ELP4: variants seen among roughly 807,000 people sequenced by gnomAD.
ELP4 encodes the protein elongator complex protein 4.
ELP4 carries 51 observed loss-of-function variants against 48.9 expected under a neutral mutation model. The observed-to-expected ratio is 1.04, with a 90% CI of 0.83 to 1.32. The LOEUF is 1.32. Among genes scored for constraint, ELP4 ranks in the 40% most tolerant of loss-of-function variants. ELP4 has a pLI of 0.00. For missense variants in ELP4, 519 were observed against 514.6 expected (o/e 1.01, Z -0.08); for synonymous variants, 210 against 189.2 (o/e 1.11, Z -0.90).
intron 1 of ELP4, among the ~76,000 whole-genome samples, chr11:31,515,172 C>T (rs979005383): frequency 2.4e-4 from 37 of 151,896 alleles, no homozygotes; most frequent in African/African-American, 8.9e-4. Context: ...CACAACTATC[C>T]TTCACAGTGA....
At chr11:31,527,652 C>T (rs1565036292) in intron 2 of ELP4, among the ~76,000 whole-genome samples, 1 of 152,078 alleles carries the variant, frequency 6.6e-6, no homozygotes, top group East Asian at 1.9e-4. Context: ...TTTGCTGCCA[C>T]TACCCCAATT....
intron 3 of ELP4, among the ~76,000 whole-genome samples, chr11:31,585,684 A>T (rs146306887): frequency 6.6e-6 from 1 of 152,358 alleles, no homozygotes; most frequent in East Asian, 1.9e-4. Flanking sequence ...ATGAGTAGAT[A>T]AAAAGAATAA....
chr11:31,787,033 A>G lies in ELP4; in HGVS notation c.*3509A>G, dbSNP rs542906080. 0.017 allele frequency: 1,862 copies of G among 112,048 alleles called. 39 individuals carry two copies. In the African/African-American group the frequency reaches 0.18, roughly 11 times the overall value. The allele number at this position is 112,048 out of a possible 1,614,324, so 6.9% of individuals were successfully genotyped here. ...TATATGTATCGTTAAATAAATAATAAACAAAAATTATTTCAACAATGAGTA... is the reference window on the plus strand; with the variant it reads ...TATATGTATCGTTAAATAAATAATAGACAAAAATTATTTCAACAATGAGTA... On this transcript the variant is annotated 3_prime_UTR_variant, in exon 10 of 10. Transcript: ENST00000640961.
intron 7 of ELP4, among the ~76,000 whole-genome samples, chr11:31,642,077 A>G (rs1945111461): frequency 6.6e-6 from 1 of 152,016 alleles, no homozygotes; most frequent in African/African-American, 2.4e-5. Flanking sequence ...CTAGATGTAT[A>G]GTTAAGAAAA....
At chr11:31,542,993 G>A (rs186580401) in intron 3 of ELP4, among the ~76,000 whole-genome samples, 20 of 152,258 alleles carry the variant, frequency 1.3e-4, no homozygotes, top group Non-Finnish European at 2.4e-4. Context: ...TGAAAATACA[G>A]TGACTGCAAT....
intron 3 of ELP4, among the ~76,000 whole-genome samples, chr11:31,548,707 G>C (rs1431339347): frequency 8.5e-5 from 13 of 152,232 alleles, no homozygotes; most frequent in African/African-American, 2.9e-4. Context: ...AACAAAGCTG[G>C]AGGCATCATG....
intron 3 of ELP4, among the ~76,000 whole-genome samples, chr11:31,576,810 A>G (rs1009435495): frequency 6.6e-6 from 1 of 152,212 alleles, no homozygotes; most frequent in Admixed American, 6.5e-5. Flanking sequence ...AGGGAAATTT[A>G]TAGCACTAAA....
chr11:31,789,951 A>G lies in ELP4; in HGVS notation c.*6427A>G. On this transcript the variant is annotated 3_prime_UTR_variant, in exon 10 of 10. Transcript: ENST00000640961. ...TTTTTTTTTTACTGTAATCTTGGCC[A>G]GTATTGAGACATATCAGGTTCACTT... 7.1e-7 allele frequency: 1 copy of G among 1,404,766 alleles called. No individual in the cohort carries two copies. The highest frequency in any genetic ancestry group is 9.8e-7 in the Non-Finnish European group (1 of 1,018,056). The allele number at this position is 1,404,766 out of a possible 1,614,324, so 87.0% of individuals were successfully genotyped here. A position where few individuals can be genotyped will look rare whatever the true frequency, so the allele number is the denominator to read the frequency against.
At chr11:31,628,975 T>G (rs1177746677) in intron 6 of ELP4, among the ~76,000 whole-genome samples, 1 of 152,050 alleles carries the variant, frequency 6.6e-6, no homozygotes, top group Non-Finnish European at 1.5e-5. Flanking sequence ...AAGAAAGTTT[T>G]TATCTTTTTT....
At chr11:31,756,867 A>T (rs945275056) in intron 9 of ELP4, among the ~76,000 whole-genome samples, 1 of 152,204 alleles carries the variant, frequency 6.6e-6, no homozygotes, top group Non-Finnish European at 1.5e-5. Context: ...CATTAACTGA[A>T]AGAGATTTAG....
intron 9 of ELP4, among the ~76,000 whole-genome samples, chr11:31,666,004 C>CTTTTTTTTTTTTTTTTTTTTTTTTTTTT (rs35902758): frequency 1.2e-5 from 1 of 85,344 alleles, no homozygotes; most frequent in Non-Finnish European, 2.2e-5. Flanking sequence ...GTTTCAAATT[C>CTTTTTTTTTTTTTTTTTTTTTTTTTTTT]TTTTTTTTTT....
In ELP4 at chr11:31,780,199, C is replaced by A. The variant is rs575905996; in HGVS notation, c.1144-3194C>A. Among the ~76,000 whole-genome samples, 283 of 152,114 alleles carry A rather than the reference C, an allele frequency of 1.9e-3. 12 individuals are homozygous for A. The highest frequency in any genetic ancestry group is 1.9e-3 in the Non-Finnish European group (130 of 67,998). Reference sequence around the variant, plus strand: ...CAGCATTTTTTTTCAGAAGACAGATCTGGGATACAGCAGCATCTGAACATT... The same window carrying A: ...CAGCATTTTTTTTCAGAAGACAGATATGGGATACAGCAGCATCTGAACATT... On this transcript the variant is annotated intron_variant, in intron 9 of 9. Coordinates refer to ENST00000640961, the MANE Select transcript of ELP4 (RefSeq NM_019040.5).
At chr11:31,635,086 G>A (rs1025065965) in intron 7 of ELP4, among the ~76,000 whole-genome samples, 1 of 151,810 alleles carries the variant, frequency 6.6e-6, no homozygotes. Context: ...AAAATGTTTA[G>A]GAGAAAATAT....
chr11:31,546,664 C>T (rs908066801), intron 3 of ELP4, among the ~76,000 whole-genome samples: 2 of 152,076 alleles, frequency 1.3e-5, no homozygotes, highest in African/African-American at 4.8e-5. Context: ...CTCTCCACCC[C>T]AAATCAACAG....
intron 3 of ELP4, among the ~76,000 whole-genome samples, chr11:31,546,062 A>G (rs1455354840): frequency 6.6e-6 from 1 of 152,170 alleles, no homozygotes; most frequent in African/African-American, 2.4e-5. Context: ...GAGACTAGGA[A>G]GAAACTGCAT....
At chr11:31,570,809 T>C (rs1341286886) in intron 3 of ELP4, among the ~76,000 whole-genome samples, 2 of 139,210 alleles carry the variant, frequency 1.4e-5, no homozygotes, top group Non-Finnish European at 3.1e-5. Context: ...TTTTTTTTTT[T>C]TTTTTTGTGA....
At chr11:31,740,672 GT>G (rs1174153201) in intron 9 of ELP4, among the ~76,000 whole-genome samples, 1 of 152,214 alleles carries the variant, frequency 6.6e-6, no homozygotes, top group Non-Finnish European at 1.5e-5. Flanking sequence ...AACTTCAGTA[GT>G]TTCTATACTG....
At chr11:31,753,666 T>C (rs1400556252) in intron 9 of ELP4, among the ~76,000 whole-genome samples, 2 of 152,050 alleles carry the variant, frequency 1.3e-5, no homozygotes, top group Non-Finnish European at 2.9e-5. Flanking sequence ...AGCACATAAA[T>C]AAGAAGAAAA....
At chr11:31,776,556 C>T (rs916932134) in intron 9 of ELP4, among the ~76,000 whole-genome samples, 2 of 152,202 alleles carry the variant, frequency 1.3e-5, no homozygotes, top group Non-Finnish European at 2.9e-5. Context: ...CAGACACATG[C>T]CTTTTCACAA....
Sources: allele counts gnomAD v4.1 joint callset (sites outside exome capture counted in the v4.1 genomes callset), GRCh38; gene constraint gnomAD v4.1.1; transcripts MANE v1.5; gene names NCBI Gene and HGNC (gene_info 2026-07-23, HGNC 2026-07-21).